Variants in SRPX observed in about 807,000 individuals in gnomAD.
SRPX encodes sushi repeat-containing protein SRPX.
Under a neutral mutation model 38.1 loss-of-function variants are expected in SRPX, and 24 were observed. The observed-to-expected ratio is 0.63, with a 90% CI of 0.46 to 0.89. SRPX has a LOEUF of 0.89. SRPX is among the 40% of genes least tolerant of loss of function. The pLI is 0.00. For missense variants in SRPX, 416 were observed against 377.8 expected, an observed-to-expected ratio of 1.10 and a Z score of -0.84; for synonymous variants, 184 against 153.8, an observed-to-expected ratio of 1.20 and a Z score of -1.45.
intron 1 of SRPX, among the ~76,000 whole-genome samples, chrX:38,206,256 T>A (rs1939209060): frequency 1.8e-5 from 2 of 111,833 alleles, no homozygotes; most frequent in Admixed American, 1.9e-4. Context: ...AGATGAAGTG[T>A]CAGACACAGA....
intron 1 of SRPX, among the ~76,000 whole-genome samples, chrX:38,214,366 T>A (rs1300416683): frequency 1.8e-5 from 2 of 110,322 alleles, no homozygotes; most frequent in Non-Finnish European, 3.8e-5. Flanking sequence ...CCTGCAGAAA[T>A]CTAGATAAAG....
intron 2 of SRPX, among the ~76,000 whole-genome samples, chrX:38,175,654 A>G (rs773916618): frequency 1.8e-5 from 2 of 111,298 alleles, no homozygotes; most frequent in East Asian, 2.8e-4. Context: ...AGTAGCTGGA[A>G]CTACAGGCAC....
chrX:38,169,640 G>C (rs1938431569), intron 4 of SRPX, among the ~76,000 whole-genome samples: 1 of 112,349 alleles, frequency 8.9e-6, no homozygotes. Context: ...ATTGTCTTTT[G>C]TTAAAGTAAT....
chrX:38,154,470 C>T lies in SRPX; in HGVS notation c.1203G>A (p.Leu401=). The change falls in exon 9 of 10, where the codon CTG becomes CTA. Residue 401 remains leucine (L), a synonymous_variant. Coordinates refer to ENST00000378533, the MANE Select transcript of SRPX (RefSeq NM_006307.5). ...ACAGAACTTCCCCCTACCTGAGCTG[C>T]AGCGCTAGGGCTGGAGGCATAATCT... is the stretch of plus-strand genomic sequence containing the variant. ...GAKIMPPALA[L]QLRLLLRIPL... 3 of 1,203,911 alleles carry T rather than the reference C, an allele frequency of 2.5e-6. No homozygotes were observed. Among genetic ancestry groups the T allele is most frequent in the Non-Finnish European group, 3.4e-6 (3 of 891,648 alleles).
At chrX:38,150,886 GCAAA>G (rs1937998963) in intron 9 of SRPX, among the ~76,000 whole-genome samples, 1 of 112,012 alleles carries the variant, frequency 8.9e-6, no homozygotes, top group Admixed American at 9.5e-5. Context: ...GCTAGAGAAA[GCAAA>G]CAAACAGATA....
At chrX:38,219,109 A>G (rs1190432001) in intron 1 of SRPX, among the ~76,000 whole-genome samples, 16 of 110,946 alleles carry the variant, frequency 1.4e-4, no homozygotes. Context: ...AAACTGGCGA[A>G]CTCATGATTC....
chrX:38,167,636 C>T (rs146312902), intron 4 of SRPX, among the ~76,000 whole-genome samples: 16 of 112,774 alleles, frequency 1.4e-4, no homozygotes, highest in African/African-American at 5.1e-4. Context: ...CTGGCCTTTG[C>T]TCTCTGCCAC....
chrX:38,169,611 C>A (rs1479789595), intron 4 of SRPX, among the ~76,000 whole-genome samples: 1 of 112,287 alleles, frequency 8.9e-6, no homozygotes, highest in Non-Finnish European at 1.9e-5. Flanking sequence ...TTCCACAGGG[C>A]AAAAAGGAAA....
At position 38,151,850 on chromosome X, in the gene SRPX, G is replaced by T. The variant is rs181147229; in HGVS notation, c.1212-1956C>A. Among the ~76,000 whole-genome samples, 624 of 111,288 alleles carry T rather than the reference G, an allele frequency of 5.6e-3. 13 individuals are homozygous for T. The highest frequency in any genetic ancestry group is 0.019 in the African/African-American group (594 of 30,559). On this transcript the variant is annotated intron_variant, in intron 9 of 9. Coordinates refer to ENST00000378533, the MANE Select transcript of SRPX (RefSeq NM_006307.5). ...ACTGTAGACTCAAAGAATAATGTGG[G>T]TATAGAAACTATGGCTTTCTTGGTC...
At chrX:38,203,402 T>A (rs1219381261) in intron 1 of SRPX, among the ~76,000 whole-genome samples, 1 of 112,482 alleles carries the variant, frequency 8.9e-6, no homozygotes, top group Non-Finnish European at 1.9e-5. Flanking sequence ...TTCACTACCC[T>A]ATTCAGCACT....
At chrX:38,209,135 G>A (rs1177901851) in intron 1 of SRPX, among the ~76,000 whole-genome samples, 1 of 109,840 alleles carries the variant, frequency 9.1e-6, no homozygotes, top group African/African-American at 3.3e-5. Flanking sequence ...GATATGTGTA[G>A]CATTCAGACC....
At position 38,174,348 on chromosome X, in the gene SRPX, G is replaced by T; in HGVS notation, c.161C>A (p.Thr54Asn). ...CACCTTGATGGGGGAGCACCACGGG[G>T]TATCTACAAGTAGCAGAAACAAAAG... ...VGYSHPRYKD[T>N]PWCSPIKVKY... Residue 54 changes from threonine (T) to asparagine (N), a missense_variant, in exon 3 of 10, where the codon ACC (threonine) becomes AAC (asparagine). By Grantham distance (65) the Thr-to-Asn change is moderately conservative (BLOSUM62 0). Coordinates refer to ENST00000378533, the MANE Select transcript of SRPX (RefSeq NM_006307.5). The T allele has an allele frequency of 9.7e-7, 1 of 1,029,766 alleles. No homozygotes were observed. Among genetic ancestry groups the T allele is most frequent in the Non-Finnish European group, 1.3e-6 (1 of 799,455 alleles). 84.9% of individuals were successfully genotyped at this position (1,029,766 alleles called of 1,213,427 possible).
At chrX:38,194,876 T>TG (rs1569212330) in intron 1 of SRPX, among the ~76,000 whole-genome samples, 2 of 89,060 alleles carry the variant, frequency 2.2e-5, no homozygotes, top group African/African-American at 4.3e-5. Context: ...TTTTTTTTTT[T>TG]TTTTTTTTTT....
chrX:38,154,515 G>A lies in SRPX; in HGVS notation c.1158C>T (p.Leu386=). Residue 386 remains leucine, a synonymous_variant, in exon 9 of 10, where the codon CTC becomes CTT. Transcript: ENST00000378533. ...TAATCTTTGCTCCTATCCTGCCAAT[G>A]AGAGTCGGGAACACACCCACCAGCT... The part of the protein sequence containing the change: ...VVELVGVFPT[L]IGRIGAKIMP... The A allele has an allele frequency of 8.3e-7, 1 of 1,207,212 alleles. No individual in the cohort carries two copies. The highest frequency in any genetic ancestry group is 1.1e-6 in the Non-Finnish European group (1 of 893,266).
intron 1 of SRPX, 137 bp from the exon 2 acceptor site, chrX:38,178,481 A>G: frequency 2.1e-6 from 1 of 465,385 alleles, no homozygotes; most frequent in East Asian, 3.8e-5. Flanking sequence ...TTCTGTGGCC[A>G]TTCATGAAGG....
chrX:38,167,997 G>A (rs932416777), intron 4 of SRPX, among the ~76,000 whole-genome samples: 3 of 111,250 alleles, frequency 2.7e-5, no homozygotes, highest in South Asian at 3.8e-4. Context: ...GGCTGGTCTC[G>A]AACTCCTGGG....
chrX:38,152,356 C>T (rs1283487171), intron 9 of SRPX, among the ~76,000 whole-genome samples: 2 of 112,259 alleles, frequency 1.8e-5, no homozygotes, highest in Non-Finnish European at 3.8e-5. Flanking sequence ...TAGTGATTGA[C>T]CCTTTCCTTG....
intron 9 of SRPX, among the ~76,000 whole-genome samples, chrX:38,151,307 G>A (rs926213136): frequency 1.2e-4 from 13 of 111,920 alleles, no homozygotes; most frequent in African/African-American, 3.9e-4. Context: ...GGCTGCAAAG[G>A]TGTGAATGAA....
chrX:38,198,674 G>A (rs140664777), intron 1 of SRPX, among the ~76,000 whole-genome samples: 194 of 111,328 alleles, frequency 1.7e-3, no homozygotes, highest in Non-Finnish European at 2.9e-3. Context: ...TTAGGCAGGC[G>A]CTGGGAAGCA....
Sources: gnomAD v4.1 joint callset for allele counts (sites outside exome capture counted in the v4.1 genomes callset) on GRCh38, gnomAD v4.1.1 for gene constraint, MANE v1.5 for transcripts, NCBI Gene and HGNC (gene_info 2026-07-23, HGNC 2026-07-21) for gene names.